Variants in TRPM4 observed in about 807,000 individuals in gnomAD.
TRPM4 encodes calcium-activated non-selective cation channel 1.
In TRPM4, 124 loss-of-function variants were observed where a neutral mutation model predicts 135.6. The ratio of observed to expected loss-of-function variants is 0.91; its 90% CI spans 0.79 to 1.06. The LOEUF (loss-of-function observed/expected upper bound fraction) is 1.06. TRPM4 is among the 50% of genes least tolerant of loss of function. The pLI, the probability that TRPM4 is intolerant of heterozygous loss-of-function variation, is 0.00. For missense variants in TRPM4, 1,658 were observed against 1,671.4 expected (o/e 0.99, Z 0.14); for synonymous variants, 745 against 705.6 (o/e 1.06, Z -0.88).
intron 9 of TRPM4, among the ~76,000 whole-genome samples, chr19:49,178,915 T>A (rs111848770): frequency 0.015 from 2,178 of 144,830 alleles, 54 homozygotes; most frequent in African/African-American, 0.053. Flanking sequence ...CCCGCCACCA[T>A]GCCCGGCTAA....
chr19:49,177,330 CTTTTTTTT>C (rs36041791), intron 9 of TRPM4, among the ~76,000 whole-genome samples: 3 of 117,270 alleles, frequency 2.6e-5, no homozygotes, highest in Non-Finnish European at 1.8e-5. Flanking sequence ...ATGAATGCGT[CTTTTTTTT>C]TTTTTTTTTT....
chr19:49,205,838 A>G (rs1969128110), intron 20 of TRPM4, among the ~76,000 whole-genome samples: 1 of 151,622 alleles, frequency 6.6e-6, no homozygotes, highest in Non-Finnish European at 1.5e-5. Flanking sequence ...ACCCGGCCGG[A>G]CTTCAACATA....
chr19:49,165,546 C>T (rs1967137323), intron 2 of TRPM4, among the ~76,000 whole-genome samples: 1 of 152,178 alleles, frequency 6.6e-6, no homozygotes, highest in East Asian at 1.9e-4. Context: ...CTCCTCATAG[C>T]TCCGTGGAGT....
In TRPM4 at chr19:49,183,062, C is replaced by T. The variant is rs761398400; in HGVS notation, c.1609-16C>T. On this transcript the variant is annotated splice_polypyrimidine_tract_variant and intron_variant, in intron 11 of 24. Coordinates refer to ENST00000252826, the MANE Select transcript of TRPM4 (RefSeq NM_017636.4). ...GGGGAGGGGCTGGTCCTCACCACCCCTCCTTTTGCTGGCAGATGTATCTGC... is the reference window on the plus strand; with the variant it reads ...GGGGAGGGGCTGGTCCTCACCACCCTTCCTTTTGCTGGCAGATGTATCTGC... 59 of 1,610,892 alleles carry T rather than the reference C, an allele frequency of 3.7e-5. 1 individual carries two copies. In the South Asian group the frequency reaches 4.5e-4, roughly 12 times the overall value.
At chr19:49,158,012 C>G in intron 1 of TRPM4, 122 bp downstream of exon 1, 1 of 1,318,630 alleles carries the variant, frequency 7.6e-7, no homozygotes, top group Admixed American at 2.0e-5. Context: ...ATGGGAGGGT[C>G]CAGGTTCCAG....
chr19:49,173,809 C>A lies in TRPM4; in HGVS notation c.1150+1701C>A, dbSNP rs1327647336. 2.0e-5 allele frequency among the ~76,000 whole-genome samples: 3 copies of A among 151,922 alleles called. No homozygotes were observed. The East Asian group carries it at 5.8e-4, about 29-fold the overall frequency. On this transcript the variant is annotated intron_variant, in intron 9 of 24. Transcript: ENST00000252826. The stretch of plus-strand genomic sequence containing the variant: ...AGTAGCTGGGAACATACCCGCCCAC[C>A]ACTACACCTGGTAAATTAAACAAAA...
chr19:49,197,808 G>C (rs377101410), intron 17 of TRPM4, among the ~76,000 whole-genome samples: 2 of 151,698 alleles, frequency 1.3e-5, no homozygotes, highest in African/African-American at 2.4e-5. Flanking sequence ...TCAGCCTCGT[G>C]AGTAGCTGGG....
intron 19 of TRPM4, 145 bp downstream of exon 19, chr19:49,200,930 T>TC (rs1385411427): frequency 4.8e-6 from 4 of 842,084 alleles, no homozygotes; most frequent in Non-Finnish European, 7.5e-6. Flanking sequence ...TACCCTATAT[T>TC]CCCCATCATC....
In TRPM4 at chr19:49,181,444, G is replaced by A. The variant is rs1390642859; in HGVS notation, c.1246G>A (p.Gly416Arg). 2 of 1,613,726 alleles carry A rather than the reference G, an allele frequency of 1.2e-6. No individual in the cohort carries two copies. Among genetic ancestry groups the A allele is most frequent in the East Asian group, 2.2e-5 (1 of 44,868 alleles). The change falls in exon 10 of 25, where the codon GGG becomes AGG. Residue 416 changes from glycine (G) to arginine (R), a missense_variant. Gly to Arg is a moderately radical substitution (Grantham distance 125). Around this residue, in one of 3 missense-constraint regions of TRPM4, gnomAD observed 1,412 missense variants for 1,408.7 expected, o/e 1.00. Transcript: ENST00000252826. ...VDIAQSELFR[G>R]DIQWRSFHLE... ...CATTGCCCAGAGTGAACTCTTTCGGGGGGACATCCAATGGCGGGTGAGGGG... is the reference window on the plus strand; with the variant it reads ...CATTGCCCAGAGTGAACTCTTTCGGAGGGACATCCAATGGCGGGTGAGGGG...
chr19:49,168,730 G>A lies in TRPM4; in HGVS notation c.790G>A (p.Val264Met), dbSNP rs144767624. ...CTACATCTCACAGCAGAAGACGGGC[G>A]TGGGAGGTGAGTGGTCGAACCCATG... ...ESYISQQKTG[V>M]GGTGIDIPVL... is the part of the protein sequence containing the mutation. Residue 264 changes from valine (V) to methionine (M), a missense_variant, in exon 6 of 25, where the codon GTG becomes ATG. Transcript: ENST00000252826. 2.2e-5 allele frequency: 35 copies of A among 1,587,782 alleles called. No individual in the cohort carries two copies. The African/African-American group carries it at 2.8e-4, about 13-fold the overall frequency.
intron 12 of TRPM4, 78 bp from the exon 13 acceptor site, chr19:49,188,563 G>C (rs1968280905): frequency 3.7e-6 from 6 of 1,606,412 alleles, no homozygotes; most frequent in Non-Finnish European, 5.1e-6. Flanking sequence ...CTCTGACTCT[G>C]TTCCTTCCCT....
intron 9 of TRPM4, among the ~76,000 whole-genome samples, chr19:49,174,191 C>T (rs1193301222): frequency 1.3e-5 from 2 of 152,022 alleles, no homozygotes; most frequent in Non-Finnish European, 2.9e-5. Context: ...CTTGCTCTGT[C>T]GCCCAGGCTG....
intron 20 of TRPM4, among the ~76,000 whole-genome samples, chr19:49,204,860 C>T (rs116036215): frequency 0.024 from 3,522 of 149,292 alleles, 114 homozygotes; most frequent in African/African-American, 0.073. Flanking sequence ...CCGTGCCCAG[C>T]GGCTATTTTT....
At chr19:49,194,651 T>G (rs914770811) in intron 16 of TRPM4, among the ~76,000 whole-genome samples, 55 of 92,610 alleles carry the variant, frequency 5.9e-4, no homozygotes, top group Non-Finnish European at 6.9e-4. Context: ...CTCTCTCTCT[T>G]TCTCTCTCTG....
At chr19:49,161,323 C>CTTTTTTTT (rs67808134) in intron 2 of TRPM4, among the ~76,000 whole-genome samples, 1 of 101,212 alleles carries the variant, frequency 9.9e-6, no homozygotes, top group Non-Finnish European at 1.9e-5. Context: ...GTCTCTCTCT[C>CTTTTTTTT]TTTTTTTTTT....
At position 49,171,649 on chromosome 19, in the gene TRPM4, C is replaced by T; in HGVS notation, c.930C>T (p.Cys310=). 6.2e-7 allele frequency: 1 copy of T among 1,613,928 alleles called. No individual in the cohort carries two copies. The highest frequency in any genetic ancestry group is 1.1e-5 in the South Asian group (1 of 91,072). Residue 310 remains cysteine (C), a synonymous_variant, in exon 8 of 25, where the codon TGC becomes TGT. Transcript: ENST00000252826. This position sits in a 1 kb window ranked among gnomAD's most constrained non-coding sequence, Gnocchi z 4.7. ...CTGGCTCAGGGGGAGCTGCGGACTGCCTGGCGGAGACCCTGGAAGACACTC... is the reference window on the plus strand; with the variant it reads ...CTGGCTCAGGGGGAGCTGCGGACTGTCTGGCGGAGACCCTGGAAGACACTC... ...LVAGSGGAAD[C]LAETLEDTLA... is the part of the protein sequence containing the mutation.
intron 10 of TRPM4, 111 bp from the exon 11 acceptor site, chr19:49,182,460 CCATCCAT>C: frequency 2.7e-6 from 1 of 374,764 alleles, no homozygotes; most frequent in Middle Eastern, 4.9e-4. Context: ...ACCCATCCAT[CCATCCAT>C]CCATCCATCC....
At chr19:49,165,262 T>A (rs1967126627) in intron 2 of TRPM4, among the ~76,000 whole-genome samples, 1 of 152,168 alleles carries the variant, frequency 6.6e-6, no homozygotes, top group African/African-American at 2.4e-5. Flanking sequence ...GGTGTTTCCC[T>A]ACTCGCTAGA....
rs1486106448 is a variant in TRPM4 at position 49,167,072 on chromosome 19, C to G, written c.268-845C>G. 2.0e-5 allele frequency among the ~76,000 whole-genome samples: 3 copies of G among 147,080 alleles called. No homozygotes were observed. In the East Asian group the frequency reaches 6.0e-4, roughly 29 times the overall value. On this transcript the variant is annotated intron_variant, in intron 3 of 24. Coordinates refer to ENST00000252826, the MANE Select transcript of TRPM4 (RefSeq NM_017636.4). ...CTTTACTCTGGGTTTCTGTCCCCAT[C>G]TCTCTGGGTCTCTGTCCCTCTCTCT...
Sources: allele counts gnomAD v4.1 joint callset (sites outside exome capture counted in the v4.1 genomes callset), GRCh38; gene constraint gnomAD v4.1.1; regional missense constraint gnomAD v4.1.1; non-coding constraint Gnocchi (gnomAD v3.1); transcripts MANE v1.5; gene names NCBI Gene and HGNC (gene_info 2026-07-23, HGNC 2026-07-21).